SORBS2: variants seen among roughly 807,000 people sequenced by gnomAD.
SORBS2 encodes the protein sorbin and SH3 domain containing 2.
Under a neutral mutation model 97.7 loss-of-function variants are expected in SORBS2, and 46 were observed. That is an observed-to-expected ratio of 0.47 (90% CI 0.37 to 0.60). The LOEUF is 0.60. Among genes scored for constraint, SORBS2 ranks in the 20% least tolerant of loss-of-function variants. SORBS2 has a pLI of 0.00. For synonymous variants in SORBS2, 476 were observed against 473.4 expected, an observed-to-expected ratio of 1.01 and a Z score of -0.07; for missense variants, 1,316 against 1,282.3, an observed-to-expected ratio of 1.03 and a Z score of -0.40.
At chr4:185,670,364 G>A (rs1410849559) in intron 4 of SORBS2, among the ~76,000 whole-genome samples, 1 of 152,076 alleles carries the variant, frequency 6.6e-6, no homozygotes, top group Non-Finnish European at 1.5e-5. Flanking sequence ...CCCAATATAT[G>A]AAAACAGGTA....
exon 3 of SORBS2, chr4:185,678,820 G>A (rs140295216): frequency 2.2e-5 from 32 of 1,451,550 alleles, no homozygotes; most frequent in East Asian, 1.1e-4. Flanking sequence ...TGAGAATCAC[G>A]CCCTGAAAGA....
intron 1 of SORBS2, among the ~76,000 whole-genome samples, chr4:185,783,835 A>G (rs1187055078): frequency 6.6e-6 from 1 of 152,130 alleles, no homozygotes; most frequent in Non-Finnish European, 1.5e-5. Context: ...TTCGAGGATC[A>G]TTTTCAGTTT....
chr4:185,675,630 C>T (rs145579714), intron 4 of SORBS2, among the ~76,000 whole-genome samples: 110 of 152,262 alleles, frequency 7.2e-4, no homozygotes, highest in African/African-American at 2.4e-3. Context: ...AGTAGTAATA[C>T]CTACTCCATG....
rs74613590 is a variant in SORBS2 at position 185,941,814 on chromosome 4, A to C, written c.-338+14382T>G. ...CTTTCAAATTATTTATTTTACATGT[A>C]AGAAAAGTAAGACTTGGATGGCTGG... On this transcript the variant is annotated intron_variant, in intron 1 of 20. Coordinates refer to the SORBS2 transcript ENST00000284776. Among the ~76,000 whole-genome samples the C allele has an allele frequency of 7.9e-3, 1,199 of 152,276 alleles. 13 individuals are homozygous for C. The highest frequency in any genetic ancestry group is 0.027 in the African/African-American group (1,135 of 41,542).
chr4:185,887,766 G>A (rs1011143984), intron 1 of SORBS2, among the ~76,000 whole-genome samples: 6 of 152,010 alleles, frequency 3.9e-5, no homozygotes, highest in African/African-American at 1.2e-4. Context: ...ATTATTATTA[G>A]AATCATTTCA....
chr4:185,824,600 C>A (rs915588611), intron 1 of SORBS2, among the ~76,000 whole-genome samples: 2 of 152,090 alleles, frequency 1.3e-5, no homozygotes, highest in African/African-American at 2.4e-5. Flanking sequence ...AACTCAGGGA[C>A]AACTCAACTG....
At chr4:185,720,672 G>A (rs899581746) in intron 2 of SORBS2, among the ~76,000 whole-genome samples, 1 of 152,170 alleles carries the variant, frequency 6.6e-6, no homozygotes, top group Non-Finnish European at 1.5e-5. Context: ...ACTGTGCCAG[G>A]TGCTAGAAAA....
intron 1 of SORBS2, among the ~76,000 whole-genome samples, chr4:185,917,316 TC>T (rs2099258719): frequency 6.6e-6 from 1 of 152,204 alleles, no homozygotes; most frequent in Non-Finnish European, 1.5e-5. Flanking sequence ...AACCTCCGCC[TC>T]CCGGGCTCAA....
At chr4:185,670,174 A>G (rs756576420) in intron 4 of SORBS2, among the ~76,000 whole-genome samples, 132 of 151,606 alleles carry the variant, frequency 8.7e-4, no homozygotes, top group Non-Finnish European at 1.5e-3. Flanking sequence ...GGCCGAGATC[A>G]CACCACTGCA....
chr4:185,687,259 G>A (rs1327712870), intron 2 of SORBS2, among the ~76,000 whole-genome samples: 2 of 152,052 alleles, frequency 1.3e-5, no homozygotes, highest in Non-Finnish European at 2.9e-5. Context: ...AACACCTGGG[G>A]TCAAGCGATC....
At chr4:185,877,296 G>GT (rs35887941) in intron 1 of SORBS2, among the ~76,000 whole-genome samples, 9,067 of 151,850 alleles carry the variant, frequency 0.06, 380 homozygotes, top group Non-Finnish European at 0.088. Context: ...ATTAAAGGTT[G>GT]TTTTTTTTAA....
intron 1 of SORBS2, among the ~76,000 whole-genome samples, chr4:185,817,028 C>T (rs890779128): frequency 4.6e-5 from 7 of 152,146 alleles, no homozygotes; most frequent in African/African-American, 1.7e-4. Flanking sequence ...AGTCCTAAGT[C>T]TGGAGAGCCC....
intron 5 of SORBS2, among the ~76,000 whole-genome samples, chr4:185,629,330 G>A (rs907009193): frequency 1.3e-5 from 2 of 151,944 alleles, no homozygotes; most frequent in African/African-American, 4.8e-5. Flanking sequence ...ATAGATAGAG[G>A]CAGAAGATAA....
At chr4:185,869,775 GA>G (rs2099229379) in intron 1 of SORBS2, among the ~76,000 whole-genome samples, 1 of 152,200 alleles carries the variant, frequency 6.6e-6, no homozygotes, top group Non-Finnish European at 1.5e-5. Context: ...CAAATCCATG[GA>G]ATTGGGAATC....
intron 2 of SORBS2, among the ~76,000 whole-genome samples, chr4:185,739,612 G>T (rs374448560): frequency 3.3e-5 from 5 of 152,238 alleles, no homozygotes; most frequent in African/African-American, 9.6e-5. Context: ...GAGGGCTTCT[G>T]GTCCTTTAGA....
intron 14 of SORBS2, 26 bp from the exon 27 acceptor site, chr4:185,587,714 G>T (rs1456590521): frequency 4.4e-6 from 7 of 1,575,648 alleles, no homozygotes; most frequent in Non-Finnish European, 6.1e-6. Flanking sequence ...AGTCATGAAA[G>T]GGGGGTGACA....
At chr4:185,664,115 A>G (rs1406478401) in intron 4 of SORBS2, among the ~76,000 whole-genome samples, 1 of 151,964 alleles carries the variant, frequency 6.6e-6, no homozygotes, top group African/African-American at 2.4e-5. Flanking sequence ...CGGCCTCCCA[A>G]AGTGCTGGGA....
At chr4:185,907,105 C>T (rs146485114) in intron 1 of SORBS2, among the ~76,000 whole-genome samples, 45 of 149,150 alleles carry the variant, frequency 3.0e-4, no homozygotes, top group African/African-American at 1.0e-3. Flanking sequence ...CACTGCACTC[C>T]AGCCTGGGTG....
chr4:185,669,529 C>T (rs972662080), intron 4 of SORBS2, among the ~76,000 whole-genome samples: 6 of 151,854 alleles, frequency 4.0e-5, no homozygotes, highest in East Asian at 3.9e-4. Flanking sequence ...AGCTGTGGAG[C>T]GGGGATGTGA....
Sources: gnomAD v4.1 joint callset for allele counts (sites outside exome capture counted in the v4.1 genomes callset) on GRCh38, gnomAD v4.1.1 for gene constraint, MANE v1.5 for transcripts, NCBI Gene and HGNC (gene_info 2026-07-23, HGNC 2026-07-21) for gene names.